PLCB4: variants seen among roughly 807,000 people sequenced by gnomAD.
The protein encoded by PLCB4 is phospholipase C beta 4.
PLCB4 carries 77 observed loss-of-function variants against 178.8 expected under a neutral mutation model. The ratio of observed to expected loss-of-function variants is 0.43; its 90% confidence interval spans 0.36 to 0.52. The LOEUF (loss-of-function observed/expected upper bound fraction) is 0.52. PLCB4 is among the 20% of genes least tolerant of loss of function. PLCB4 has a pLI of 0.00. For synonymous variants in PLCB4, 496 were observed against 490.8 expected (o/e 1.01, Z -0.14); for missense variants, 1,024 against 1,453.4 (o/e 0.70, Z 4.80).
chr20:9,401,384 A>G, intron 19 of PLCB4, 106 bp from the exon 20 acceptor site: 1 of 721,564 alleles, frequency 1.4e-6, no homozygotes, highest in Non-Finnish European at 2.5e-6. Flanking sequence ...TTCTTTTAGC[A>G]TCCTTTTTCT....
intron 3 of PLCB4, among the ~76,000 whole-genome samples, chr20:9,303,623 T>C (rs982380398): frequency 6.6e-6 from 1 of 152,208 alleles, no homozygotes; most frequent in Non-Finnish European, 1.5e-5. Flanking sequence ...AACTTGGATA[T>C]TGTGAATAGT....
At chr20:9,336,721 A>T (rs746006217) in intron 4 of PLCB4, among the ~76,000 whole-genome samples, 128 of 150,898 alleles carry the variant, frequency 8.5e-4, no homozygotes, top group Admixed American at 2.2e-3. Context: ...TGAATGCTAG[A>T]TTTTACAGAC....
rs1409934825 is a variant in PLCB4 at position 9,411,042 on chromosome 20, G to A, written c.2005G>A (p.Ala669Thr). ...VSLNYQTPDL[A>T]MQLNQGKFEY... Reference sequence around the variant, plus strand: ...TTATTTTTGTCTCTTGACAGATTTAGCGATGCAATTGAATCAGGGAAAATT... The same window carrying A: ...TTATTTTTGTCTCTTGACAGATTTAACGATGCAATTGAATCAGGGAAAATT... Residue 669 changes from alanine to threonine, a missense_variant, in exon 25 of 40, where the codon GCG becomes ACG. By Grantham distance (58) the Ala-to-Thr change is moderately conservative. This residue lies in a region of PLCB4 where 227 missense variants were observed against 374.3 expected (regional missense o/e 0.61). Coordinates refer to ENST00000378473, the MANE Select transcript of PLCB4 (RefSeq NM_001377142.1). The A allele has an allele frequency of 1.9e-6, 3 of 1,609,974 alleles. No individual in the cohort carries two copies. The highest frequency in any genetic ancestry group is 2.5e-6 in the Non-Finnish European group (3 of 1,176,498).
At chr20:9,195,245 T>A (rs1033408001) in intron 2 of PLCB4, among the ~76,000 whole-genome samples, 1 of 152,038 alleles carries the variant, frequency 6.6e-6, no homozygotes, top group Admixed American at 6.6e-5. Context: ...TCACCTGGAG[T>A]TGGTGTTAAA....
chr20:9,303,536 A>G (rs2147845792), intron 3 of PLCB4, among the ~76,000 whole-genome samples: 1 of 152,320 alleles, frequency 6.6e-6, no homozygotes, highest in Non-Finnish European at 1.5e-5. Context: ...TTAAGGCTGA[A>G]TAATATTTCA....
At chr20:9,436,446 G>A (rs2041775688) in intron 29 of PLCB4, among the ~76,000 whole-genome samples, 2 of 152,096 alleles carry the variant, frequency 1.3e-5, no homozygotes, top group South Asian at 2.1e-4. Flanking sequence ...TAAACTTCTG[G>A]GCTCAAGCCA....
chr20:9,477,208 A>C (rs1568925552), intron 39 of PLCB4, among the ~76,000 whole-genome samples: 2 of 152,216 alleles, frequency 1.3e-5, no homozygotes, highest in Non-Finnish European at 2.9e-5. Context: ...GACTCTTGTC[A>C]TGCTCTCTGC....
intron 21 of PLCB4, among the ~76,000 whole-genome samples, chr20:9,406,982 T>C (rs1480527762): frequency 6.6e-6 from 1 of 152,252 alleles, no homozygotes; most frequent in Non-Finnish European, 1.5e-5. Flanking sequence ...TGTTTTCTTT[T>C]TTCTGTATGC....
intron 3 of PLCB4, among the ~76,000 whole-genome samples, chr20:9,218,719 T>G (rs969232901): frequency 5.9e-5 from 9 of 152,324 alleles, no homozygotes; most frequent in African/African-American, 1.9e-4. Context: ...AAGTGATCAG[T>G]GTTTAATGAT....
At chr20:9,088,030 G>A (rs572516286) in intron 1 of PLCB4, among the ~76,000 whole-genome samples, 40 of 152,246 alleles carry the variant, frequency 2.6e-4, no homozygotes, top group African/African-American at 9.6e-4. Flanking sequence ...TTCTACTGGG[G>A]CTCTGTTGCC....
At chr20:9,113,297 C>T (rs1194694943) in intron 2 of PLCB4, among the ~76,000 whole-genome samples, 1 of 152,158 alleles carries the variant, frequency 6.6e-6, no homozygotes, top group Non-Finnish European at 1.5e-5. Flanking sequence ...AATGCTTCCT[C>T]AGATAGCAGC....
intron 14 of PLCB4, among the ~76,000 whole-genome samples, chr20:9,386,195 G>T (rs919697666): frequency 1.3e-5 from 2 of 152,000 alleles, no homozygotes; most frequent in African/African-American, 2.4e-5. Flanking sequence ...GGAGGCTGCA[G>T]CGAGCCGAGA....
intron 3 of PLCB4, among the ~76,000 whole-genome samples, chr20:9,270,065 A>G (rs1364453467): frequency 1.3e-5 from 2 of 152,156 alleles, no homozygotes; most frequent in African/African-American, 2.4e-5. Flanking sequence ...TATTAAAAAA[A>G]TGGGTTCCCC....
At chr20:9,195,132 C>G (rs2093455578) in intron 2 of PLCB4, among the ~76,000 whole-genome samples, 1 of 152,186 alleles carries the variant, frequency 6.6e-6, no homozygotes, top group Non-Finnish European at 1.5e-5. Flanking sequence ...AAATGAAAAA[C>G]TGCAGTTTGC....
chr20:9,255,396 G>C (rs953196214), intron 3 of PLCB4, among the ~76,000 whole-genome samples: 1 of 152,078 alleles, frequency 6.6e-6, no homozygotes, highest in Non-Finnish European at 1.5e-5. Flanking sequence ...AGACATTAAA[G>C]AACTAGCCAT....
intron 20 of PLCB4, among the ~76,000 whole-genome samples, chr20:9,404,200 G>A (rs1602417761): frequency 2.0e-5 from 3 of 152,290 alleles, no homozygotes; most frequent in Middle Eastern, 6.8e-3. Context: ...TGAGGAGGTG[G>A]AAGAGGGTGG....
At chr20:9,138,267 A>T (rs964911619) in intron 2 of PLCB4, among the ~76,000 whole-genome samples, 1 of 152,132 alleles carries the variant, frequency 6.6e-6, no homozygotes, top group Non-Finnish European at 1.5e-5. Flanking sequence ...GCCATAGGAT[A>T]GAATGGTAAT....
At chr20:9,354,290 A>C (rs2034592879) in intron 7 of PLCB4, among the ~76,000 whole-genome samples, 1 of 152,252 alleles carries the variant, frequency 6.6e-6, no homozygotes, top group African/African-American at 2.4e-5. Flanking sequence ...AAAAATTTGA[A>C]TCAAAGCTTA....
At chr20:9,220,243 C>T (rs753432482) in intron 3 of PLCB4, among the ~76,000 whole-genome samples, 6 of 152,306 alleles carry the variant, frequency 3.9e-5, no homozygotes, top group Middle Eastern at 3.4e-3. Context: ...CCCTTGATAA[C>T]TTCTCTCCTG....
Sources: allele counts gnomAD v4.1 joint callset (sites outside exome capture counted in the v4.1 genomes callset), GRCh38; gene constraint gnomAD v4.1.1; regional missense constraint gnomAD v4.1.1; transcripts MANE v1.5; gene names NCBI Gene and HGNC (gene_info 2026-07-23, HGNC 2026-07-21).